The following PTPRD variants were observed in gnomAD, a reference collection of about 807,000 sequenced individuals.
The protein encoded by PTPRD is receptor-type tyrosine-protein phosphatase delta.
Under a neutral mutation model 214.5 loss-of-function variants are expected in PTPRD, and 34 were observed. The observed-to-expected ratio is 0.16, with a 90% CI of 0.12 to 0.21. The LOEUF (loss-of-function observed/expected upper bound fraction) is 0.21. PTPRD is among the 10% of genes least tolerant of loss of function. The pLI is 1.00. For synonymous variants in PTPRD, 1,128 were observed against 845.7 expected, an observed-to-expected ratio of 1.33 and a Z score of -5.79; for missense variants, 2,545 against 2,398.7, an observed-to-expected ratio of 1.06 and a Z score of -1.27.
At position 9,083,883 on chromosome 9, in the gene PTPRD, C is replaced by T. The variant is rs189605671; in HGVS notation, c.-142-65148G>A. On this transcript the variant is annotated intron_variant, in intron 10 of 45. Coordinates refer to ENST00000381196, the MANE Select transcript of PTPRD (RefSeq NM_002839.4). ...ATCTCACACCAGTTAGAATGGTGAT[C>T]ATTAAAAAGTCAGGAAACAACAGAT... Among the ~76,000 whole-genome samples, 490 of 152,138 alleles carry T rather than the reference C, an allele frequency of 3.2e-3. 2 individuals are homozygous for T. The highest frequency in any genetic ancestry group is 0.011 in the African/African-American group (457 of 41,514).
intron 10 of PTPRD, among the ~76,000 whole-genome samples, chr9:9,109,880 T>G (rs985213299): frequency 6.6e-6 from 1 of 152,104 alleles, no homozygotes; most frequent in African/African-American, 2.4e-5. Context: ...AAGGAAAGCT[T>G]AGATTTTGAA....
At position 10,365,391 on chromosome 9, in the gene PTPRD, C is replaced by A. The variant is rs557323954; in HGVS notation, c.-599-24374G>T. On this transcript the variant is annotated intron_variant, in intron 2 of 45. Transcript: ENST00000381196. ...CCCAAGTAGCTACATCAGCTTCTCA[C>A]TTCAACAAACCATGCCCTTTAAAAT... is the stretch of plus-strand genomic sequence containing the variant. Among the ~76,000 whole-genome samples, 224 of 152,316 alleles carry A rather than the reference C, an allele frequency of 1.5e-3. 4 individuals carry two copies. The highest frequency in any genetic ancestry group is 0.014 in the South Asian group (69 of 4,828).
intron 10 of PTPRD, among the ~76,000 whole-genome samples, chr9:9,063,055 C>T (rs146387441): frequency 4.1e-4 from 63 of 152,146 alleles, no homozygotes; most frequent in Middle Eastern, 3.4e-3. Flanking sequence ...TAAGGTTTTC[C>T]TATTGATGGA....
At chr9:9,778,320 C>G (rs2098815226) in intron 5 of PTPRD, among the ~76,000 whole-genome samples, 1 of 152,116 alleles carries the variant, frequency 6.6e-6, no homozygotes, top group Admixed American at 6.5e-5. Flanking sequence ...AGGATCCTAG[C>G]TACAGGGTAA....
intron 12 of PTPRD, among the ~76,000 whole-genome samples, chr9:8,638,078 G>A (rs2096485606): frequency 6.8e-6 from 1 of 147,834 alleles, no homozygotes; most frequent in Admixed American, 6.7e-5. Flanking sequence ...ATGTTTTAAA[G>A]CCCCAAAACA....
intron 12 of PTPRD, among the ~76,000 whole-genome samples, chr9:8,638,103 C>CTTTTTTTTTTTTTTTTTTTTT (rs963311950): frequency 7.9e-6 from 1 of 127,034 alleles, no homozygotes; most frequent in Non-Finnish European, 1.7e-5. Flanking sequence ...GCTGTTCCTT[C>CTTTTTTTTTTTTTTTTTTTTT]TTTTTTTTTT....
chr9:9,830,120 A>C (rs2054322949), intron 5 of PTPRD, among the ~76,000 whole-genome samples: 1 of 151,636 alleles, frequency 6.6e-6, no homozygotes, highest in Non-Finnish European at 1.5e-5. Flanking sequence ...TATTTTAAAA[A>C]TTCATATATA....
chr9:9,216,729 T>C (rs1367982677), intron 9 of PTPRD, among the ~76,000 whole-genome samples: 2 of 152,210 alleles, frequency 1.3e-5, no homozygotes, highest in South Asian at 2.1e-4. Context: ...TTCTGATTTT[T>C]ATTTTAGAAT....
intron 7 of PTPRD, among the ~76,000 whole-genome samples, chr9:9,588,647 T>C (rs1164866681): frequency 6.6e-6 from 1 of 152,018 alleles, no homozygotes; most frequent in Non-Finnish European, 1.5e-5. Flanking sequence ...TAATATTTTT[T>C]AATATCCATG....
chr9:8,449,504 T>C (rs1564888818), intron 34 of PTPRD, among the ~76,000 whole-genome samples: 4 of 152,202 alleles, frequency 2.6e-5, no homozygotes. Flanking sequence ...ATTTGAAGGA[T>C]ACCCATATTT....
At chr9:9,802,931 C>G (rs569055645) in intron 5 of PTPRD, among the ~76,000 whole-genome samples, 1 of 151,774 alleles carries the variant, frequency 6.6e-6, no homozygotes, top group Non-Finnish European at 1.5e-5. Context: ...GTACCAAATA[C>G]TATACTAATT....
At chr9:8,398,153 C>T (rs1470037846) in intron 36 of PTPRD, among the ~76,000 whole-genome samples, 1 of 152,108 alleles carries the variant, frequency 6.6e-6, no homozygotes, top group African/African-American at 2.4e-5. Flanking sequence ...AAATGCATAA[C>T]ACTAAAGATA....
chr9:10,312,953 C>T (rs1425568966), intron 3 of PTPRD, among the ~76,000 whole-genome samples: 3 of 151,904 alleles, frequency 2.0e-5, no homozygotes, highest in Non-Finnish European at 4.4e-5. Flanking sequence ...GTAAAACAAA[C>T]CCATCCTTTA....
At chr9:9,925,456 T>C (rs1389427971) in intron 5 of PTPRD, among the ~76,000 whole-genome samples, 1 of 152,140 alleles carries the variant, frequency 6.6e-6, no homozygotes, top group Non-Finnish European at 1.5e-5. Context: ...CTATATTATA[T>C]AAATAATCTT....
chr9:9,960,346 A>G (rs2094274306), intron 4 of PTPRD, among the ~76,000 whole-genome samples: 2 of 152,166 alleles, frequency 1.3e-5, no homozygotes, highest in South Asian at 2.1e-4. Flanking sequence ...CAACCCACGT[A>G]GAATAATTCT....
Position 8,535,917 on chromosome 9 carries a change from A to G in PTPRD, c.353-7138T>C, listed in dbSNP as rs188631099. 4.5e-4 allele frequency among the ~76,000 whole-genome samples: 68 copies of G among 152,066 alleles called. No homozygotes were observed. The East Asian group carries it at 0.012, about 27-fold the overall frequency. ...GCTCTTACTAAATCCCACCTTTAAC[A>G]GAATGGAATTTAGTCAGAAGATCAT... On this transcript the variant is annotated intron_variant, in intron 14 of 45. Transcript: ENST00000381196.
At chr9:9,969,041 T>C (rs1033570922) in intron 4 of PTPRD, among the ~76,000 whole-genome samples, 1 of 152,130 alleles carries the variant, frequency 6.6e-6, no homozygotes, top group African/African-American at 2.4e-5. Flanking sequence ...AATAATTACT[T>C]AAATACTTGT....
At chr9:10,132,962 T>TCAAACGC (rs753864227) in intron 3 of PTPRD, among the ~76,000 whole-genome samples, 9 of 151,750 alleles carry the variant, frequency 5.9e-5, no homozygotes, top group Admixed American at 2.0e-4. Context: ...AGATTGTTAT[T>TCAAACGC]TTGTAGCTTC....
chr9:9,735,389 C>T (rs888507692), intron 6 of PTPRD, among the ~76,000 whole-genome samples: 3 of 152,004 alleles, frequency 2.0e-5, no homozygotes, highest in African/African-American at 7.2e-5. Flanking sequence ...TCTTGGGAAT[C>T]GAGTTTGAAA....
Sources: gnomAD v4.1 joint callset for allele counts (sites outside exome capture counted in the v4.1 genomes callset) on GRCh38, gnomAD v4.1.1 for gene constraint, MANE v1.5 for transcripts, NCBI Gene and HGNC (gene_info 2026-07-23, HGNC 2026-07-21) for gene names.